Variants in PDE4D observed in about 807,000 individuals in gnomAD.
PDE4D encodes phosphodiesterase 4D.
PDE4D carries 24 observed loss-of-function variants against 87.4 expected under a neutral mutation model. That is an observed-to-expected ratio of 0.27 (90% CI 0.20 to 0.39). The LOEUF is 0.39. Ranked by LOEUF, PDE4D falls within the 10% of genes least tolerant of loss-of-function variation. The pLI, the probability that PDE4D is intolerant of heterozygous loss-of-function variation, is 1.00. For synonymous variants in PDE4D, 384 were observed against 383.2 expected (o/e 1.00, Z -0.02); for missense variants, 714 against 1,041.0 (o/e 0.69, Z 4.32).
chr5:59,323,791 T>A (rs923046570), intron 1 of PDE4D, among the ~76,000 whole-genome samples: 4 of 152,114 alleles, frequency 2.6e-5, no homozygotes, highest in Non-Finnish European at 5.9e-5. Context: ...GACATTTTTT[T>A]TTTGAAGTGC....
At chr5:59,164,011 A>G (rs968482939) in intron 5 of PDE4D, among the ~76,000 whole-genome samples, 28 of 152,378 alleles carry the variant, frequency 1.8e-4, no homozygotes, top group Admixed American at 1.3e-4. Flanking sequence ...ACATTGTTTC[A>G]AAATCAAATA....
intron 1 of PDE4D, among the ~76,000 whole-genome samples, chr5:59,510,166 A>G (rs1293825146): frequency 6.6e-6 from 1 of 150,772 alleles, no homozygotes; most frequent in Non-Finnish European, 1.5e-5. Flanking sequence ...AGAAGAAATC[A>G]AAGGGATTTA....
intron 1 of PDE4D, among the ~76,000 whole-genome samples, chr5:59,545,924 G>T (rs1232710998): frequency 1.3e-5 from 2 of 152,134 alleles, no homozygotes; most frequent in Non-Finnish European, 2.9e-5. Flanking sequence ...TTTGTTGATG[G>T]AGTCAAATAC....
At chr5:59,380,476 T>G (rs935114098) in intron 1 of PDE4D, among the ~76,000 whole-genome samples, 4 of 151,504 alleles carry the variant, frequency 2.6e-5, no homozygotes, top group African/African-American at 4.8e-5. Context: ...TACAGCAACA[T>G]GAAGGTGGTC....
chr5:60,125,271 A>G (rs538290734), intron 2 of PDE4D, among the ~76,000 whole-genome samples: 33 of 152,262 alleles, frequency 2.2e-4, no homozygotes, highest in Non-Finnish European at 4.9e-4. Context: ...AGTTTCTCAG[A>G]CCAGAATTTA....
intron 2 of PDE4D, among the ~76,000 whole-genome samples, chr5:60,074,444 G>T (rs532019959): frequency 6.6e-6 from 1 of 152,258 alleles, no homozygotes; most frequent in Non-Finnish European, 1.5e-5. Flanking sequence ...ATCAACTCTA[G>T]AGTGTGTGCC....
intron 7 of PDE4D, 125 bp downstream of exon 7, chr5:58,993,247 T>C (rs1285298227): frequency 1.9e-6 from 1 of 540,308 alleles, no homozygotes; most frequent in Non-Finnish European, 3.3e-6. Context: ...ATATGACGAA[T>C]GAAAACAAAT....
rs1395532029 is a variant in PDE4D, at chr5:59,226,677, A to C, written c.456-10709T>G. 4.6e-5 allele frequency among the ~76,000 whole-genome samples: 7 copies of C among 152,304 alleles called. No individual in the cohort carries two copies. The East Asian group carries it at 7.7e-4, about 17-fold the overall frequency. On this transcript the variant is annotated intron_variant, in intron 1 of 14. Coordinates refer to ENST00000340635, the MANE Select transcript of PDE4D (RefSeq NM_001104631.2). ...TTTAGCACAATAAAGCAACTTTTTC[A>C]AAAAGGATCTCAAATGGCCCTAACA...
At chr5:60,337,622 C>A (rs1483160129) in intron 1 of PDE4D, among the ~76,000 whole-genome samples, 2 of 151,744 alleles carry the variant, frequency 1.3e-5, no homozygotes, top group African/African-American at 4.8e-5. Flanking sequence ...CTAAATAAAC[C>A]AGACTTTTTT....
chr5:59,562,842 C>T (rs1205279244), intron 1 of PDE4D, among the ~76,000 whole-genome samples: 2 of 151,872 alleles, frequency 1.3e-5, no homozygotes, highest in African/African-American at 4.8e-5. Flanking sequence ...CTCACTTCCT[C>T]ATATGGTAAT....
At chr5:60,370,554 A>T (rs1356584070) in intron 1 of PDE4D, among the ~76,000 whole-genome samples, 1 of 152,194 alleles carries the variant, frequency 6.6e-6, no homozygotes, top group Non-Finnish European at 1.5e-5. Context: ...TGCAAACCTG[A>T]CCTTAATTTT....
At chr5:59,023,107 G>A (rs1075641) in intron 6 of PDE4D, among the ~76,000 whole-genome samples, 10,802 of 151,670 alleles carry the variant, frequency 0.071, 438 homozygotes, top group Non-Finnish European at 0.093. Context: ...CCTGGGAGGA[G>A]AAGGTTGCAG....
intron 2 of PDE4D, among the ~76,000 whole-genome samples, chr5:60,089,571 C>T (rs1774887479): frequency 6.6e-6 from 1 of 151,706 alleles, no homozygotes; most frequent in Non-Finnish European, 1.5e-5. Context: ...TTGTAGCAAT[C>T]AACACCTACA....
At chr5:59,598,649 C>A (rs775993630) in intron 1 of PDE4D, among the ~76,000 whole-genome samples, 2 of 152,132 alleles carry the variant, frequency 1.3e-5, no homozygotes. Flanking sequence ...AAATCCCTGA[C>A]AGCCTCTCTT....
intron 1 of PDE4D, among the ~76,000 whole-genome samples, chr5:59,338,267 A>G (rs1163632898): frequency 6.6e-6 from 1 of 152,188 alleles, no homozygotes; most frequent in Non-Finnish European, 1.5e-5. Context: ...CAAAAGTGGG[A>G]TCTCATGCTA....
At chr5:59,307,533 A>G (rs1395657237) in intron 1 of PDE4D, among the ~76,000 whole-genome samples, 1 of 152,212 alleles carries the variant, frequency 6.6e-6, no homozygotes, top group Non-Finnish European at 1.5e-5. Flanking sequence ...AAACAACCCC[A>G]TCAGAAAGTG....
chr5:59,391,626 G>A (rs539435911), intron 1 of PDE4D, among the ~76,000 whole-genome samples: 1 of 152,202 alleles, frequency 6.6e-6, no homozygotes, highest in Non-Finnish European at 1.5e-5. Flanking sequence ...ATAAGGCAAA[G>A]CCACTAGTAA....
At chr5:59,532,378 TCTGC>T (rs1410733549) in intron 1 of PDE4D, among the ~76,000 whole-genome samples, 3 of 152,154 alleles carry the variant, frequency 2.0e-5, no homozygotes, top group Non-Finnish European at 4.4e-5. Context: ...CCTCAGGGGA[TCTGC>T]CTGCCTCAGC....
intron 1 of PDE4D, among the ~76,000 whole-genome samples, chr5:60,223,730 C>T (rs1174569694): frequency 1.3e-5 from 2 of 152,094 alleles, no homozygotes; most frequent in East Asian, 3.9e-4. Flanking sequence ...CTGTACTTCA[C>T]ATATTTAATT....
Sources: gnomAD v4.1 joint callset for allele counts (sites outside exome capture counted in the v4.1 genomes callset) on GRCh38, gnomAD v4.1.1 for gene constraint, MANE v1.5 for transcripts, NCBI Gene and HGNC (gene_info 2026-07-23, HGNC 2026-07-21) for gene names.